EBF2: variants seen among roughly 807,000 people sequenced by gnomAD.
EBF2 encodes EBF transcription factor 2.
A neutral mutation model predicts 72.8 loss-of-function variants in EBF2; 21 were observed. The ratio of observed to expected loss-of-function variants is 0.29; its 90% CI spans 0.20 to 0.42. The LOEUF (loss-of-function observed/expected upper bound fraction) is 0.42. EBF2 is among the 10% of genes least tolerant of loss of function. The probability of loss-of-function intolerance (pLI) is 1.00; values close to 1 mark genes in which losing one functional copy is unlikely to be tolerated. For missense variants in EBF2, 637 were observed against 731.2 expected (o/e 0.87, Z 1.49); for synonymous variants, 299 against 274.2 (o/e 1.09, Z -0.89).
chr8:25,981,476 A>C (rs2117199525), intron 6 of EBF2, among the ~76,000 whole-genome samples: 1 of 152,228 alleles, frequency 6.6e-6, no homozygotes, highest in Admixed American at 6.5e-5. Context: ...GAACCAATGC[A>C]GTCAGACAAC....
intron 14 of EBF2, among the ~76,000 whole-genome samples, chr8:25,852,342 CATTTTCTCTACGGTACAG>C (rs754697862): frequency 6.7e-6 from 1 of 149,312 alleles, no homozygotes; most frequent in Non-Finnish European, 1.5e-5. Context: ...CCCAACTTTT[CATTTTCTCTACGGTACAG>C]AATTAGAAGC....
chr8:25,983,521 C>T (rs1374815924), intron 6 of EBF2, among the ~76,000 whole-genome samples: 1 of 152,218 alleles, frequency 6.6e-6, no homozygotes, highest in African/African-American at 2.4e-5. Context: ...AAGTGTCATT[C>T]ACTCTCCTGC....
chr8:25,953,531 C>T (rs1158385841), intron 6 of EBF2, among the ~76,000 whole-genome samples: 1 of 152,170 alleles, frequency 6.6e-6, no homozygotes, highest in Non-Finnish European at 1.5e-5. Context: ...AACCCATTTC[C>T]ATTGATCTTC....
At chr8:25,916,067 C>G (rs1803208820) in intron 6 of EBF2, among the ~76,000 whole-genome samples, 1 of 152,002 alleles carries the variant, frequency 6.6e-6, no homozygotes, top group South Asian at 2.1e-4. Flanking sequence ...AGTCTGATCA[C>G]TTGAGATCAG....
At chr8:25,878,893 T>A (rs541438368) in intron 10 of EBF2, among the ~76,000 whole-genome samples, 2 of 151,764 alleles carry the variant, frequency 1.3e-5, no homozygotes, top group South Asian at 4.1e-4. Context: ...CACCACCAAC[T>A]ATCAGGCTGG....
At chr8:26,039,051 A>G (rs1805556611) in intron 5 of EBF2, among the ~76,000 whole-genome samples, 1 of 152,148 alleles carries the variant, frequency 6.6e-6, no homozygotes, top group Non-Finnish European at 1.5e-5. Context: ...TGTATGGAGC[A>G]GACATTTAAA....
intron 6 of EBF2, among the ~76,000 whole-genome samples, chr8:25,947,494 A>C (rs1803790754): frequency 6.6e-6 from 1 of 152,196 alleles, no homozygotes; most frequent in African/African-American, 2.4e-5. Context: ...GGGAAGTTCA[A>C]TCAGGTCACA....
intron 7 of EBF2, among the ~76,000 whole-genome samples, chr8:25,899,315 G>A (rs543034400): frequency 6.6e-6 from 1 of 150,922 alleles, no homozygotes; most frequent in South Asian, 2.1e-4. Context: ...TTTATCATCA[G>A]ATAATGGACT....
In EBF2 at chr8:25,886,205, A is replaced by G. The variant is rs1802687602; in HGVS notation, c.1009+550T>C. Among the ~76,000 whole-genome samples, 3 of 152,328 alleles carry G rather than the reference A, an allele frequency of 2.0e-5. No homozygotes were observed. The South Asian group carries it at 6.2e-4, about 32-fold the overall frequency. On this transcript the variant is annotated intron_variant, in intron 10 of 15. Transcript: ENST00000520164. ...TATGAATTCACCAGTTGTTCTTTGCAATATACCGTTGTCTCCTTCAAAAGT... is the reference window on the plus strand; with the variant it reads ...TATGAATTCACCAGTTGTTCTTTGCGATATACCGTTGTCTCCTTCAAAAGT...
At chr8:25,877,415 C>T (rs965240286) in intron 10 of EBF2, among the ~76,000 whole-genome samples, 11 of 152,218 alleles carry the variant, frequency 7.2e-5, no homozygotes, top group African/African-American at 2.4e-4. Context: ...CCTGTTCTCA[C>T]GTGGCTCTCT....
At chr8:25,882,387 A>G (rs1802617987) in intron 10 of EBF2, among the ~76,000 whole-genome samples, 3 of 152,184 alleles carry the variant, frequency 2.0e-5, no homozygotes, top group Admixed American at 2.0e-4. Flanking sequence ...GGGCCATTCT[A>G]TCCACTCTCT....
At chr8:25,858,061 A>G in intron 14 of EBF2, 1 of 620,330 alleles carries the variant, frequency 1.6e-6, no homozygotes. Flanking sequence ...CCACTTACAC[A>G]GGCCACACAT....
chr8:25,936,257 C>A (rs1026249267), intron 6 of EBF2, among the ~76,000 whole-genome samples: 4 of 152,196 alleles, frequency 2.6e-5, no homozygotes, highest in African/African-American at 7.2e-5. Context: ...TCTTTGGCTC[C>A]TCTATTGAGC....
At chr8:25,884,094 C>CCCAT (rs1298710675) in intron 10 of EBF2, among the ~76,000 whole-genome samples, 2 of 152,166 alleles carry the variant, frequency 1.3e-5, no homozygotes, top group African/African-American at 4.8e-5. Context: ...TCCACGTCTT[C>CCCAT]CCATCCAAAG....
At chr8:25,902,520 TC>T (rs1802972541) in intron 7 of EBF2, among the ~76,000 whole-genome samples, 1 of 151,932 alleles carries the variant, frequency 6.6e-6, no homozygotes, top group South Asian at 2.1e-4. Flanking sequence ...ATTATTTTAA[TC>T]AATTATTTTA....
intron 6 of EBF2, among the ~76,000 whole-genome samples, chr8:26,010,751 C>A (rs1027738310): frequency 2.0e-5 from 3 of 152,186 alleles, no homozygotes; most frequent in Admixed American, 2.0e-4. Context: ...CTTCTTCCCT[C>A]GATACGAGGG....
chr8:26,037,608 G>A (rs1040583405), intron 5 of EBF2, among the ~76,000 whole-genome samples: 3 of 152,164 alleles, frequency 2.0e-5, no homozygotes, highest in Admixed American at 6.5e-5. Context: ...ACAGCTGTGG[G>A]GTTTGCTCAA....
intron 6 of EBF2, among the ~76,000 whole-genome samples, chr8:25,909,603 A>T (rs1168452303): frequency 6.6e-6 from 1 of 152,238 alleles, no homozygotes; most frequent in Non-Finnish European, 1.5e-5. Context: ...AAATAAGTAG[A>T]AATCAACAAT....
intron 6 of EBF2, among the ~76,000 whole-genome samples, chr8:26,019,259 A>G (rs1169290817): frequency 1.3e-5 from 2 of 151,412 alleles, no homozygotes; most frequent in Non-Finnish European, 2.9e-5. Flanking sequence ...CAGCATGATA[A>G]TTTTGCTCAG....
Sources: allele counts gnomAD v4.1 joint callset (sites outside exome capture counted in the v4.1 genomes callset), GRCh38; gene constraint gnomAD v4.1.1; transcripts MANE v1.5; gene names NCBI Gene and HGNC (gene_info 2026-07-23, HGNC 2026-07-21).